The following LRRC53 variants were observed in gnomAD, a reference collection of about 807,000 sequenced individuals.
The protein encoded by LRRC53 is leucine rich repeat containing 53.
A neutral mutation model predicts 13.6 loss-of-function variants in LRRC53; 25 were observed. The ratio of observed to expected loss-of-function variants is 1.83; its 90% CI spans 1.34 to 2.56. LRRC53 has a LOEUF of 2.56. Ranked by LOEUF, LRRC53 falls within the 30% of genes most tolerant of loss-of-function variation. The pLI, the probability that LRRC53 is intolerant of heterozygous loss-of-function variation, is 0.00. For missense variants in LRRC53, 527 were observed against 275.8 expected, an observed-to-expected ratio of 1.91 and a Z score of -6.45; for synonymous variants, 204 against 109.8, an observed-to-expected ratio of 1.86 and a Z score of -5.37.
upstream of LRRC53, among the ~76,000 whole-genome samples, chr1:74,516,631 A>G (rs1388096499): frequency 6.6e-6 from 1 of 152,198 alleles, no homozygotes; most frequent in Non-Finnish European, 1.5e-5. Flanking sequence ...ACTATGGGCC[A>G]TGGGACCTCA....
intron 1 of LRRC53, among the ~76,000 whole-genome samples, chr1:74,490,356 C>T (rs900860476): frequency 6.6e-5 from 10 of 152,080 alleles, no homozygotes; most frequent in African/African-American, 2.4e-4. Context: ...GAGACACCTT[C>T]AAGACTTGAA....
chr1:74,505,505 T>G (rs1413847681), intron 1 of LRRC53, among the ~76,000 whole-genome samples: 1 of 152,218 alleles, frequency 6.6e-6, no homozygotes, highest in Non-Finnish European at 1.5e-5. Context: ...CTGAAGCAGC[T>G]CTTACAATGG....
the LRRC53 span, among the ~76,000 whole-genome samples, chr1:74,518,715 T>G: frequency 6.6e-6 from 1 of 152,194 alleles, no homozygotes; most frequent in Non-Finnish European, 1.5e-5. Flanking sequence ...ATATTAGTGT[T>G]TTGAACACAT....
chr1:74,507,937 G>T (rs923246565), intron 1 of LRRC53, among the ~76,000 whole-genome samples: 1 of 152,174 alleles, frequency 6.6e-6, no homozygotes, highest in African/African-American at 2.4e-5. Context: ...CTGGGAGTTT[G>T]CCAGGAACCA....
At chr1:74,477,631 C>A (rs571523031) in intron 3 of LRRC53, among the ~76,000 whole-genome samples, 2 of 152,266 alleles carry the variant, frequency 1.3e-5, no homozygotes, top group South Asian at 4.1e-4. Context: ...GATACAGTTT[C>A]TCCTCTAATT....
the LRRC53 span, among the ~76,000 whole-genome samples, chr1:74,534,038 A>C: frequency 6.6e-6 from 1 of 152,188 alleles, no homozygotes; most frequent in Non-Finnish European, 1.5e-5. Context: ...CGGTGAAATT[A>C]ATTCCTTCCC....
At chr1:74,510,524 A>G (rs1173716501) in intron 1 of LRRC53, among the ~76,000 whole-genome samples, 2 of 152,298 alleles carry the variant, frequency 1.3e-5, no homozygotes, top group East Asian at 1.9e-4. Context: ...GAATAAAATG[A>G]GAAAAAAATT....
chr1:74,509,574 A>G lies in LRRC53; in HGVS notation c.-27+2952T>C, dbSNP rs1255177761. On this transcript the variant is annotated intron_variant, in intron 1 of 4. Transcript: ENST00000294635. ...TTCAATAATATTTTATCAGATTAAC[A>G]TAGAGGACAATGAATTATGAAATTA... is the stretch of plus-strand genomic sequence containing the variant. Among the ~76,000 whole-genome samples the G allele has an allele frequency of 3.3e-5, 5 of 152,230 alleles. No homozygotes were observed. The East Asian group carries it at 7.7e-4, about 24-fold the overall frequency.
chr1:74,481,302 C>T (rs1254010669), intron 2 of LRRC53, among the ~76,000 whole-genome samples: 2 of 152,092 alleles, frequency 1.3e-5, no homozygotes, highest in South Asian at 2.1e-4. Context: ...GCCCTCCCTC[C>T]GAGGCTATGT....
upstream of LRRC53, among the ~76,000 whole-genome samples, chr1:74,516,561 A>G (rs967479653): frequency 3.9e-5 from 6 of 152,116 alleles, no homozygotes; most frequent in Admixed American, 3.9e-4. Context: ...GCAATAGAGG[A>G]TGAGGCTGGA....
chr1:74,499,215 C>T (rs902359255), intron 1 of LRRC53, among the ~76,000 whole-genome samples: 5 of 152,178 alleles, frequency 3.3e-5, no homozygotes, highest in African/African-American at 1.2e-4. Flanking sequence ...TGGATGAACA[C>T]TTTACCTAGA....
intron 1 of LRRC53, among the ~76,000 whole-genome samples, chr1:74,486,602 A>C (rs887149819): frequency 6.7e-6 from 1 of 150,022 alleles, no homozygotes; most frequent in Non-Finnish European, 1.5e-5. Context: ...GTATGAGTTT[A>C]GAGTTCAGGA....
At chr1:74,495,795 C>T (rs1271013460) in intron 1 of LRRC53, among the ~76,000 whole-genome samples, 1 of 152,118 alleles carries the variant, frequency 6.6e-6, no homozygotes, top group African/African-American at 2.4e-5. Flanking sequence ...AATATTTTGC[C>T]AATACTTGTA....
At chr1:74,533,755 C>T in the LRRC53 span, among the ~76,000 whole-genome samples, 1 of 151,940 alleles carries the variant, frequency 6.6e-6, no homozygotes, top group South Asian at 2.1e-4. Flanking sequence ...AGTTCATGTC[C>T]TTTGTAGGGA....
Position 74,471,178 on chromosome 1 carries a change from C to T in LRRC53, c.2444G>A (p.Arg815His), listed in dbSNP as rs895007512. Residue 815 changes from arginine to histidine, a missense_variant, in exon 5 of 5, where the codon CGT becomes CAT. Transcript: ENST00000294635. ...RAPLLSANNL[R>H]VVNQSSIESS... ...TTCTATAGAGCTCTGGTTGACTACA[C>T]GCAAGTTGTTAGCACTGAGCAGGGG... 1.7e-5 allele frequency: 7 copies of T among 400,528 alleles called. No homozygotes were observed. Among genetic ancestry groups the T allele is most frequent in the Admixed American group, 1.3e-4 (3 of 22,712 alleles). 24.8% of individuals were successfully genotyped at this position (400,528 alleles called of 1,614,324 possible). A position where few individuals can be genotyped will look rare whatever the true frequency, so the allele number is the denominator to read the frequency against.
intron 1 of LRRC53, among the ~76,000 whole-genome samples, chr1:74,497,783 A>C (rs1436175371): frequency 6.6e-6 from 1 of 152,176 alleles, no homozygotes; most frequent in Non-Finnish European, 1.5e-5. Context: ...AATTCTAATT[A>C]TATTATTTGC....
At chr1:74,534,824 G>C in the LRRC53 span, among the ~76,000 whole-genome samples, 1 of 152,270 alleles carries the variant, frequency 6.6e-6, no homozygotes, top group East Asian at 1.9e-4. Flanking sequence ...ATGGGTTTAT[G>C]TGAAAGTGGT....
At chr1:74,476,121 T>G (rs1335533208) in intron 3 of LRRC53, among the ~76,000 whole-genome samples, 1 of 152,008 alleles carries the variant, frequency 6.6e-6, no homozygotes, top group Non-Finnish European at 1.5e-5. Flanking sequence ...GCAGTAACAT[T>G]ATTTTTTCGG....
chr1:74,483,625 T>A (rs561226933), intron 1 of LRRC53, among the ~76,000 whole-genome samples: 2 of 152,304 alleles, frequency 1.3e-5, no homozygotes, highest in Admixed American at 1.3e-4. Context: ...TTTGAAAAAA[T>A]TAAGTTACTT....
Sources: gnomAD v4.1 joint callset for allele counts (sites outside exome capture counted in the v4.1 genomes callset) on GRCh38, gnomAD v4.1.1 for gene constraint, MANE v1.5 for transcripts, NCBI Gene and HGNC (gene_info 2026-07-23, HGNC 2026-07-21) for gene names.